The following ARHGAP17 variants were observed in gnomAD, a reference collection of about 807,000 sequenced individuals.
ARHGAP17 encodes the protein rho GTPase-activating protein 17.
Under a neutral mutation model 99.5 loss-of-function variants are expected in ARHGAP17, and 57 were observed. The ratio of observed to expected loss-of-function variants is 0.57; its 90% CI spans 0.46 to 0.71. The LOEUF (loss-of-function observed/expected upper bound fraction) is 0.71. Ranked by LOEUF, ARHGAP17 falls within the 30% of genes least tolerant of loss-of-function variation. The probability of loss-of-function intolerance (pLI) is 0.00; values close to 1 mark genes in which losing one functional copy is unlikely to be tolerated. For synonymous variants in ARHGAP17, 417 were observed against 429.6 expected, an observed-to-expected ratio of 0.97 and a Z score of 0.36; for missense variants, 1,000 against 1,122.4, an observed-to-expected ratio of 0.89 and a Z score of 1.56.
intron 19 of ARHGAP17, among the ~76,000 whole-genome samples, chr16:24,928,738 C>G (rs539865450): frequency 6.6e-6 from 1 of 152,178 alleles, no homozygotes; most frequent in Non-Finnish European, 1.5e-5. Flanking sequence ...ATTAAAGCAG[C>G]TGTACATATG....
chr16:24,984,801 C>T (rs1319730674), intron 1 of ARHGAP17, among the ~76,000 whole-genome samples: 2 of 151,870 alleles, frequency 1.3e-5, no homozygotes, highest in Non-Finnish European at 1.5e-5. Flanking sequence ...CTGCCTTCCA[C>T]AGTAAAATCC....
intron 19 of ARHGAP17, among the ~76,000 whole-genome samples, chr16:24,921,379 G>A (rs2050715611): frequency 1.3e-5 from 2 of 152,210 alleles, no homozygotes; most frequent in African/African-American, 4.8e-5. Context: ...GCAGCAGTGA[G>A]GGAGTGGGAG....
intron 1 of ARHGAP17, among the ~76,000 whole-genome samples, chr16:25,001,848 C>G (rs539700015): frequency 6.6e-6 from 1 of 152,082 alleles, no homozygotes; most frequent in African/African-American, 2.4e-5. Flanking sequence ...CTTTGGGAGA[C>G]CAAGGTAGGA....
At chr16:24,947,434 T>C (rs1409433422) in intron 14 of ARHGAP17, 48 bp downstream of exon 14, 2 of 1,441,298 alleles carry the variant, frequency 1.4e-6, no homozygotes, top group South Asian at 1.1e-5. Context: ...ATGCATCCCA[T>C]CAGGTGGGAA....
Position 24,919,950 on chromosome 16 carries a change from C to T in ARHGAP17, c.*180G>A. ...CTTCTTCAAGACACAGGTCATTCAGCTTTAGTGGTGGCCTCCAGGTTCTCC... is the reference window on the plus strand; with the variant it reads ...CTTCTTCAAGACACAGGTCATTCAGTTTTAGTGGTGGCCTCCAGGTTCTCC... On this transcript the variant is annotated 3_prime_UTR_variant, in exon 20 of 20. Transcript: ENST00000289968. 1 of 819,916 alleles carries T rather than the reference C, an allele frequency of 1.2e-6. No individual in the cohort carries two copies. The highest frequency in any genetic ancestry group is 1.8e-6 in the Non-Finnish European group (1 of 548,694). 50.8% of individuals were successfully genotyped at this position (819,916 alleles called of 1,614,324 possible). A position where few individuals can be genotyped will look rare whatever the true frequency, so the allele number is the denominator to read the frequency against.
intron 1 of ARHGAP17, among the ~76,000 whole-genome samples, chr16:24,990,625 C>A (rs1316600305): frequency 1.3e-5 from 2 of 152,078 alleles, no homozygotes; most frequent in East Asian, 3.8e-4. Context: ...CCACTGCACT[C>A]CAGCCTGGGC....
In ARHGAP17 at chr16:24,941,948, T is replaced by C. The variant is rs774910049; in HGVS notation, c.1490+39A>G. ...ACCAGATACCACGGGTCTAACAACA[T>C]ATTTACTGCTGGTTTGGAAGTGAAC... On this transcript the variant is annotated intron_variant, in intron 16 of 19. Coordinates refer to ENST00000289968, the MANE Select transcript of ARHGAP17 (RefSeq NM_001006634.3). 2.5e-6 allele frequency: 4 copies of C among 1,613,198 alleles called. No individual in the cohort carries two copies. The African/African-American group carries it at 5.3e-5, about 22-fold the overall frequency.
intron 1 of ARHGAP17, among the ~76,000 whole-genome samples, chr16:25,008,796 T>C (rs1028358726): frequency 6.6e-6 from 1 of 152,252 alleles, no homozygotes; most frequent in African/African-American, 2.4e-5. Context: ...AATTTACAGA[T>C]GAAAATTTTC....
chr16:24,952,063 C>T (rs985855390), intron 12 of ARHGAP17, among the ~76,000 whole-genome samples: 3 of 152,322 alleles, frequency 2.0e-5, no homozygotes, highest in Middle Eastern at 3.4e-3. Flanking sequence ...CTTCATCCAC[C>T]TAAATAACAC....
At chr16:24,982,795 AG>A (rs2052712325) in intron 1 of ARHGAP17, among the ~76,000 whole-genome samples, 1 of 151,196 alleles carries the variant, frequency 6.6e-6, no homozygotes, top group Non-Finnish European at 1.5e-5. Flanking sequence ...CCATGTACGT[AG>A]GCCACAGAAA....
chr16:24,920,291 A>G, intron 19 of ARHGAP17, 31 bp from the exon 20 acceptor site: 1 of 1,612,638 alleles, frequency 6.2e-7, no homozygotes, highest in Non-Finnish European at 8.5e-7. Flanking sequence ...ACATGGTATC[A>G]ATGAGGGGTA....
intron 1 of ARHGAP17, among the ~76,000 whole-genome samples, chr16:25,008,634 G>A (rs894014327): frequency 6.6e-6 from 1 of 152,112 alleles, no homozygotes. Context: ...AAAAATGCAC[G>A]GTGCACGTAC....
chr16:24,953,291 T>G (rs2051699756), intron 10 of ARHGAP17, among the ~76,000 whole-genome samples: 1 of 152,202 alleles, frequency 6.6e-6, no homozygotes, highest in Non-Finnish European at 1.5e-5. Context: ...CATTTTAGGC[T>G]GGATGATTTT....
intron 1 of ARHGAP17, among the ~76,000 whole-genome samples, chr16:25,006,270 G>A (rs933258406): frequency 2.0e-5 from 3 of 150,758 alleles, no homozygotes; most frequent in Non-Finnish European, 3.0e-5. Context: ...GTGAAACTCT[G>A]TCTCTACTAA....
At chr16:24,999,723 G>A (rs1038641670) in intron 1 of ARHGAP17, among the ~76,000 whole-genome samples, 4 of 152,104 alleles carry the variant, frequency 2.6e-5, no homozygotes, top group African/African-American at 9.7e-5. Flanking sequence ...CCACCTACAG[G>A]CTATCTTTTA....
chr16:24,976,142 C>T (rs116740703), intron 3 of ARHGAP17, among the ~76,000 whole-genome samples: 5,709 of 152,204 alleles, frequency 0.038, 344 homozygotes, highest in African/African-American at 0.13. Context: ...CAGTCAAAAA[C>T]GGGGAATGTA....
intron 19 of ARHGAP17, among the ~76,000 whole-genome samples, chr16:24,923,746 AAAG>A (rs1293295331): frequency 2.7e-5 from 4 of 149,126 alleles, no homozygotes; most frequent in East Asian, 1.9e-4. Flanking sequence ...AAAAAAAAAA[AAAG>A]AGAGAAACAG....
chr16:24,940,686 C>A lies in ARHGAP17; in HGVS notation c.1491-1089G>T, dbSNP rs558433767. Among the ~76,000 whole-genome samples the A allele has an allele frequency of 8.6e-4, 131 of 152,150 alleles. 1 individual carries two copies. Among genetic ancestry groups the A allele is most frequent in the Non-Finnish European group, 1.1e-3 (72 of 68,004 alleles). On this transcript the variant is annotated intron_variant, in intron 16 of 19. Transcript: ENST00000289968. ...ACTGCACTCTAGCCTGGGCACATAA[C>A]CCTGTCTCAAAAAAACAAAAACCAA...
intron 18 of ARHGAP17, among the ~76,000 whole-genome samples, chr16:24,932,808 T>TA (rs989160558): frequency 6.6e-6 from 1 of 150,890 alleles, no homozygotes; most frequent in African/African-American, 2.4e-5. Context: ...CTGGGAGGGG[T>TA]AGGGGGAAAG....
Sources: allele counts gnomAD v4.1 joint callset (sites outside exome capture counted in the v4.1 genomes callset), GRCh38; gene constraint gnomAD v4.1.1; transcripts MANE v1.5; gene names NCBI Gene and HGNC (gene_info 2026-07-23, HGNC 2026-07-21).